CD8B: variants seen among roughly 807,000 people sequenced by gnomAD.
CD8B encodes the protein T-cell surface glycoprotein CD8 beta chain.
A neutral mutation model predicts 24.2 loss-of-function variants in CD8B; 6 were observed. The ratio of observed to expected loss-of-function variants is 0.25; its 90% CI spans 0.14 to 0.49. CD8B has a LOEUF of 0.49. Among genes scored for constraint, CD8B ranks in the 20% least tolerant of loss-of-function variants. The pLI is 0.98. For synonymous variants in CD8B, 84 were observed against 108.3 expected, an observed-to-expected ratio of 0.78 and a Z score of 1.39; for missense variants, 196 against 271.3, an observed-to-expected ratio of 0.72 and a Z score of 1.95.
intron 5 of CD8B, among the ~76,000 whole-genome samples, chr2:86,826,403 G>T (rs1293401513): frequency 1.3e-5 from 2 of 152,140 alleles, no homozygotes; most frequent in Non-Finnish European, 1.5e-5. Context: ...GACATGTGCA[G>T]GTCGGTAAGT....
rs768974293 is a variant in CD8B at position 86,844,905 on chromosome 2, C to A, written c.620+17G>T. ...GGGGCTGAGGAACCCAAGGCCACAC[C>A]CAGGTTATACACTTACTGTTTCATG... is the stretch of plus-strand genomic sequence containing the variant. On this transcript the variant is annotated intron_variant, in intron 5 of 5. Transcript: ENST00000390655. 3 of 1,557,558 alleles carry A rather than the reference C, an allele frequency of 1.9e-6. No individual in the cohort carries two copies. Among genetic ancestry groups the A allele is most frequent in the African/African-American group, 1.4e-5 (1 of 73,328 alleles).
chr2:86,819,352 T>C (rs892112272), intron 5 of CD8B, among the ~76,000 whole-genome samples: 2 of 152,246 alleles, frequency 1.3e-5, no homozygotes. Flanking sequence ...AGGTCTTTCA[T>C]AGCTAGAGAG....
Position 86,817,343 on chromosome 2 carries a change from A to G in CD8B, c.621-1625T>C, listed in dbSNP as rs57171381. Among the ~76,000 whole-genome samples the G allele has an allele frequency of 2.7e-3, 412 of 152,296 alleles. 5 individuals are homozygous for G. In the East Asian group the frequency reaches 0.032, roughly 12 times the overall value. On this transcript the variant is annotated intron_variant, in intron 5 of 5. Coordinates refer to the CD8B transcript ENST00000331469. ...GAAGTTTTGATGTATAAGAGTGTTCACAGAAGCACAAACAACAGAAATTGG... is the reference window on the plus strand; with the variant it reads ...GAAGTTTTGATGTATAAGAGTGTTCGCAGAAGCACAAACAACAGAAATTGG...
chr2:86,815,477 G>GC, downstream of CD8B: 2 of 681,110 alleles, frequency 2.9e-6, no homozygotes, highest in Middle Eastern at 3.7e-4. Flanking sequence ...CAGAACTTGA[G>GC]CCCCCTATGA....
intron 5 of CD8B, among the ~76,000 whole-genome samples, chr2:86,844,055 G>A (rs1675556176): frequency 6.6e-6 from 1 of 152,236 alleles, no homozygotes; most frequent in African/African-American, 2.4e-5. Flanking sequence ...TCTCTGTTGT[G>A]AGGAACAAAA....
rs1313472026 is a variant in CD8B at position 86,838,646 on chromosome 2, G to A, written c.*3661C>T. On this transcript the variant is annotated 3_prime_UTR_variant, in exon 6 of 6. Coordinates refer to ENST00000390655, the MANE Select transcript of CD8B (RefSeq NM_004931.5). ...CCCTAATAGCTGGGACTACAGGCAA[G>A]CACCACCATGCCCAGAAAAAAATTT... 6.6e-6 allele frequency among the ~76,000 whole-genome samples: 1 copy of A among 152,056 alleles called. No homozygotes were observed. The highest frequency in any genetic ancestry group is 1.5e-5 in the Non-Finnish European group (1 of 68,000).
At chr2:86,857,792 C>T (rs1676346304) in intron 2 of CD8B, among the ~76,000 whole-genome samples, 1 of 152,182 alleles carries the variant, frequency 6.6e-6, no homozygotes, top group South Asian at 2.1e-4. Context: ...CCCGTCTCTT[C>T]TAGTTTCATC....
intron 5 of CD8B, among the ~76,000 whole-genome samples, chr2:86,831,075 T>A (rs531041283): frequency 2.1e-4 from 32 of 151,996 alleles, no homozygotes; most frequent in South Asian, 2.1e-3. Context: ...ATTATTTTTG[T>A]TTGTTTGTTT....
At chr2:86,837,540 T>C (rs1675225352), downstream of CD8B, among the ~76,000 whole-genome samples, 1 of 151,924 alleles carries the variant, frequency 6.6e-6, no homozygotes, top group Non-Finnish European at 1.5e-5. Context: ...TTGGAAGGCC[T>C]CTGAAGACAG....
chr2:86,847,626 C>A (rs1474717264), intron 3 of CD8B, among the ~76,000 whole-genome samples: 1 of 152,164 alleles, frequency 6.6e-6, no homozygotes, highest in Non-Finnish European at 1.5e-5. Flanking sequence ...AGTGCAGTGG[C>A]GCAATCTTGG....
rs575618207 is a variant in CD8B, at chr2:86,855,139, G to A, written c.404-2053C>T. Among the ~76,000 whole-genome samples the A allele has an allele frequency of 1.3e-3, 201 of 152,146 alleles. 1 individual carries two copies. The highest frequency in any genetic ancestry group is 1.3e-3 in the Non-Finnish European group (88 of 67,988). On this transcript the variant is annotated intron_variant, in intron 2 of 5. Coordinates refer to ENST00000390655, the MANE Select transcript of CD8B (RefSeq NM_004931.5). ...CTCAAAAAAAAAAAAGGTTTTGGGG[G>A]GTTGTAAGGGGGAACAGGCAGGGGA...
intron 2 of CD8B, among the ~76,000 whole-genome samples, chr2:86,854,152 A>T (rs1676115952): frequency 6.6e-6 from 1 of 152,012 alleles, no homozygotes. Flanking sequence ...CCTTCTTGGG[A>T]TTATCTGAGA....
At chr2:86,849,742 C>T (rs1451812551) in intron 3 of CD8B, among the ~76,000 whole-genome samples, 4 of 136,096 alleles carry the variant, frequency 2.9e-5, no homozygotes, top group Admixed American at 7.9e-5. Flanking sequence ...CTTGCTCTGT[C>T]GCCCAGGCTG....
chr2:86,857,963 A>T, intron 2 of CD8B, 94 bp downstream of exon 2: 1 of 1,307,422 alleles, frequency 7.6e-7, no homozygotes, highest in Non-Finnish European at 1.1e-6. Context: ...TCACGGCTGC[A>T]GAGTGGGGCA....
intron 3 of CD8B, among the ~76,000 whole-genome samples, chr2:86,851,838 T>G (rs1034245216): frequency 1.3e-5 from 2 of 152,204 alleles, no homozygotes; most frequent in African/African-American, 2.4e-5. Flanking sequence ...TGTCTGTGTG[T>G]GTGTGTATGT....
intron 3 of CD8B, among the ~76,000 whole-genome samples, chr2:86,852,519 A>G (rs1291932156): frequency 1.3e-5 from 2 of 151,802 alleles, no homozygotes; most frequent in Admixed American, 6.6e-5. Context: ...CTTAGGCAGC[A>G]ACCAATCTAC....
chr2:86,843,834 C>T (rs975688159), intron 5 of CD8B, among the ~76,000 whole-genome samples: 7 of 152,126 alleles, frequency 4.6e-5, no homozygotes, highest in Admixed American at 1.3e-4. Flanking sequence ...GACTTGGAGA[C>T]GTGAAGTGAC....
chr2:86,834,005 T>C (rs924417537), downstream of CD8B, among the ~76,000 whole-genome samples: 1 of 152,196 alleles, frequency 6.6e-6, no homozygotes, highest in African/African-American at 2.4e-5. Flanking sequence ...TGGGTATAGA[T>C]AGACAGCAAC....
chr2:86,819,096 G>A (rs1276778709), intron 5 of CD8B, among the ~76,000 whole-genome samples: 2 of 152,200 alleles, frequency 1.3e-5, no homozygotes, highest in African/African-American at 2.4e-5. Context: ...AAGTGGTGAG[G>A]AAGCTGCAGA....
Sources: allele counts gnomAD v4.1 joint callset (sites outside exome capture counted in the v4.1 genomes callset), GRCh38; gene constraint gnomAD v4.1.1; transcripts MANE v1.5; gene names NCBI Gene and HGNC (gene_info 2026-07-23, HGNC 2026-07-21).